Variants in ACOT1 observed in about 807,000 individuals in gnomAD.
The protein encoded by ACOT1 is acyl-CoA thioesterase 1, also known as acyl-coenzyme A thioesterase 1.
ACOT1 carries 8 observed loss-of-function variants against 15.7 expected under a neutral mutation model. The observed-to-expected ratio is 0.51, with a 90% CI of 0.30 to 0.92. ACOT1 has a LOEUF of 0.92. Among genes scored for constraint, ACOT1 ranks in the 40% least tolerant of loss-of-function variants. ACOT1 has a pLI of 0.06. For synonymous variants in ACOT1, 67 were observed against 241.2 expected (o/e 0.28, Z 6.69); for missense variants, 151 against 539.4 (o/e 0.28, Z 7.13).
At chr14:73,491,222 G>A in the ACOT1 span, 3 of 1,594,306 alleles carry the variant, frequency 1.9e-6, no homozygotes, top group Non-Finnish European at 2.6e-6. Flanking sequence ...ATCGAGGGTG[G>A]AGTCGACGGC....
the ACOT1 span, chr14:73,495,102 G>A: frequency 1.4e-6 from 1 of 703,458 alleles, no homozygotes; most frequent in East Asian, 2.7e-5. Context: ...TAGCCAAGAG[G>A]GAAGAGAGTA....
At chr14:73,512,622 G>A in the ACOT1 span, among the ~76,000 whole-genome samples, 1 of 152,152 alleles carries the variant, frequency 6.6e-6, no homozygotes, top group Non-Finnish European at 1.5e-5. Context: ...ACTAGACAAA[G>A]TGTTTAGCAA....
At chr14:73,496,703 AGATTAT>A in the ACOT1 span, 2 of 1,278,050 alleles carry the variant, frequency 1.6e-6, no homozygotes, top group Non-Finnish European at 2.3e-6. Flanking sequence ...AGGGCTTCTT[AGATTAT>A]TCTACCCTGC....
the ACOT1 span, chr14:73,508,341 C>T: frequency 6.3e-7 from 1 of 1,584,402 alleles, no homozygotes; most frequent in East Asian, 2.2e-5. Context: ...ATGTGTTTTC[C>T]CCCTAGAGAA....
the ACOT1 span, chr14:73,508,362 A>C: frequency 7.0e-7 from 1 of 1,423,494 alleles, no homozygotes; most frequent in Middle Eastern, 2.5e-4. Flanking sequence ...CAGCCTTTGG[A>C]TTGATACCCA....
chr14:73,514,185 G>C, the ACOT1 span: 2 of 1,614,184 alleles, frequency 1.2e-6, no homozygotes, highest in Admixed American at 3.3e-5. Flanking sequence ...TATCCTTGGC[G>C]GGGGTGGGCA....
the ACOT1 span, among the ~76,000 whole-genome samples, chr14:73,496,133 CAA>C: frequency 6.9e-6 from 1 of 144,456 alleles, no homozygotes; most frequent in Non-Finnish European, 1.5e-5. Flanking sequence ...GTCCCCCCCT[CAA>C]AAAAAAAAGC....
At chr14:73,511,960 T>A in the ACOT1 span, 4 of 1,612,402 alleles carry the variant, frequency 2.5e-6, no homozygotes, top group South Asian at 4.4e-5. Context: ...GTTCCATGGC[T>A]TTATGAGTTG....
chr14:73,513,329 C>T, the ACOT1 span, among the ~76,000 whole-genome samples: 4 of 151,824 alleles, frequency 2.6e-5, no homozygotes, highest in Admixed American at 6.6e-5. Context: ...CATCATGGCA[C>T]ATGCCTATAG....
At chr14:73,531,336 A>C in the ACOT1 span, 6 of 112,394 alleles carry the variant, frequency 5.3e-5, 3 homozygotes, top group East Asian at 4.3e-3. Flanking sequence ...CCATTTATTA[A>C]ATTTCCTTCT....
upstream of ACOT1, among the ~76,000 whole-genome samples, chr14:73,532,411 TA>T (rs1888733306): frequency 1.7e-5 from 2 of 116,412 alleles, no homozygotes; most frequent in African/African-American, 5.6e-5. Context: ...GTCTTACAGA[TA>T]CAGAAATTCT....
chr14:73,499,019 A>G, the ACOT1 span: 1 of 1,491,900 alleles, frequency 6.7e-7, no homozygotes, highest in African/African-American at 1.4e-5. Context: ...TTCTACTTGC[A>G]TAGGCAAAGG....
At chr14:73,495,310 C>T in the ACOT1 span, 3 of 1,613,748 alleles carry the variant, frequency 1.9e-6, no homozygotes, top group South Asian at 3.3e-5. Context: ...GTTTTGCTTC[C>T]TCCCTCACTT....
the ACOT1 span, among the ~76,000 whole-genome samples, chr14:73,529,742 A>T: frequency 6.6e-6 from 1 of 152,218 alleles, no homozygotes; most frequent in Non-Finnish European, 1.5e-5. Context: ...AACGTGTGCT[A>T]AAAGGAGTAA....
the ACOT1 span, chr14:73,492,113 A>G: frequency 3.7e-6 from 6 of 1,613,876 alleles, no homozygotes; most frequent in Non-Finnish European, 4.2e-6. The surrounding 1 kb of genome is among the most constrained non-coding windows in gnomAD (Gnocchi z 4.9). Context: ...CCGAGTCCCA[A>G]CCGAGGAACT....
the ACOT1 span, among the ~76,000 whole-genome samples, chr14:73,527,726 C>G: frequency 6.6e-6 from 1 of 151,870 alleles, no homozygotes; most frequent in African/African-American, 2.4e-5. Flanking sequence ...GCCTGTAATC[C>G]TAGCACTTTG....
In ACOT1 at chr14:73,543,009, G is replaced by C; in HGVS notation, c.661-41G>C. The C allele has an allele frequency of 2.4e-6, 3 of 1,243,920 alleles. 1 individual carries two copies. The South Asian group carries it at 4.1e-5, about 17-fold the overall frequency. 77.1% of individuals were successfully genotyped at this position (1,243,920 alleles called of 1,614,324 possible). On this transcript the variant is annotated intron_variant, in intron 2 of 2. Transcript: ENST00000311148. ...CACAACTCACCATATTCCACTGTTT[G>C]TGGAGCCATTCTTCTTCTTTTTCCT...
the ACOT1 span, among the ~76,000 whole-genome samples, chr14:73,513,512 G>C: frequency 6.6e-6 from 1 of 150,492 alleles, no homozygotes; most frequent in Admixed American, 6.6e-5. Flanking sequence ...GATCACCTGA[G>C]GTCAGGAGTT....
At chr14:73,519,139 A>G in the ACOT1 span, 13 of 1,613,032 alleles carry the variant, frequency 8.1e-6, no homozygotes, top group Admixed American at 1.7e-5. Context: ...CTTTGCACCA[A>G]TCTGGTGGAT....
Sources: gnomAD v4.1 joint callset for allele counts (sites outside exome capture counted in the v4.1 genomes callset) on GRCh38, gnomAD v4.1.1 for gene constraint, Gnocchi (gnomAD v3.1) non-coding constraint, MANE v1.5 for transcripts, NCBI Gene and HGNC (gene_info 2026-07-23, HGNC 2026-07-21) for gene names.